ITIH1: variants seen among roughly 807,000 people sequenced by gnomAD.
The protein encoded by ITIH1 is inter-alpha-trypsin inhibitor heavy chain H1.
In ITIH1, 94 loss-of-function variants were observed where a neutral mutation model predicts 104.6. The observed-to-expected ratio is 0.90, with a 90% CI of 0.76 to 1.07. The LOEUF (loss-of-function observed/expected upper bound fraction) is 1.07. Ranked by LOEUF, ITIH1 falls within the 50% of genes least tolerant of loss-of-function variation. The probability of loss-of-function intolerance (pLI) is 0.00; values close to 1 mark genes in which losing one functional copy is unlikely to be tolerated. For missense variants in ITIH1, 1,193 were observed against 1,181.4 expected, an observed-to-expected ratio of 1.01 and a Z score of -0.14; for synonymous variants, 455 against 464.4, an observed-to-expected ratio of 0.98 and a Z score of 0.26.
chr3:52,780,675 C>A (rs973610751), intron 6 of ITIH1, among the ~76,000 whole-genome samples: 1 of 152,208 alleles, frequency 6.6e-6, no homozygotes, highest in African/African-American at 2.4e-5. Flanking sequence ...AGCCTCAGTG[C>A]CCTCTTTGCC....
chr3:52,783,198 T>A lies in ITIH1; in HGVS notation c.1100-16T>A. ...AGAATGAGGGCATACACTGGTCTGCTTTCTCTTCCTTGCAGCCACAAACCT... is the reference window on the plus strand; with the variant it reads ...AGAATGAGGGCATACACTGGTCTGCATTCTCTTCCTTGCAGCCACAAACCT... On this transcript the variant is annotated splice_polypyrimidine_tract_variant and intron_variant, in intron 9 of 21. Coordinates refer to ENST00000273283, the MANE Select transcript of ITIH1 (RefSeq NM_002215.4). The A allele has an allele frequency of 6.2e-7, 1 of 1,614,104 alleles. No individual in the cohort carries two copies. The highest frequency in any genetic ancestry group is 1.6e-4 in the Middle Eastern group (1 of 6,062).
At chr3:52,782,875 A>T in intron 8 of ITIH1, 82 bp from the exon 9 acceptor site, 1 of 1,364,830 alleles carries the variant, frequency 7.3e-7, no homozygotes, top group Non-Finnish European at 1.0e-6. Context: ...TGGATCTCTG[A>T]AATGGGTATT....
chr3:52,780,441 C>T lies in ITIH1; in HGVS notation c.687+59C>T, dbSNP rs927992337. On this transcript the variant is annotated intron_variant, in intron 6 of 21. Coordinates refer to ENST00000273283, the MANE Select transcript of ITIH1 (RefSeq NM_002215.4). Reference sequence around the variant, plus strand: ...CTTTGGAGACTTCTCAGCCTGCCCACCCCTTATGGAATGTCCAGCCTTAGC... The same window carrying T: ...CTTTGGAGACTTCTCAGCCTGCCCATCCCTTATGGAATGTCCAGCCTTAGC... 9.3e-6 allele frequency: 11 copies of T among 1,182,480 alleles called. No individual in the cohort carries two copies. The Admixed American group carries it at 2.1e-4, about 22-fold the overall frequency. The allele number at this position is 1,182,480 out of a possible 1,614,324, so 73.2% of individuals were successfully genotyped here. A position where few individuals can be genotyped will look rare whatever the true frequency, so the allele number is the denominator to read the frequency against.
intron 6 of ITIH1, 29 bp from the exon 7 acceptor site, chr3:52,781,911 G>A (rs1699068050): frequency 1.2e-6 from 2 of 1,613,252 alleles, no homozygotes; most frequent in South Asian, 2.2e-5. Flanking sequence ...ACACAGACCA[G>A]TAATGGCTCA....
Position 52,779,160 on chromosome 3 carries a change from G to A in ITIH1, c.410+114G>A, listed in dbSNP as rs1389431648. 3.6e-6 allele frequency: 3 copies of A among 827,486 alleles called. No homozygotes were observed. The highest frequency in any genetic ancestry group is 6.2e-6 in the Non-Finnish European group (3 of 483,674). 51.3% of individuals were successfully genotyped at this position (827,486 alleles called of 1,614,324 possible). A position where few individuals can be genotyped will look rare whatever the true frequency, so the allele number is the denominator to read the frequency against. On this transcript the variant is annotated intron_variant, in intron 4 of 21. Transcript: ENST00000273283. This position sits in a 1 kb window ranked among gnomAD's most constrained non-coding sequence, Gnocchi z 4.4. Reference sequence around the variant, plus strand: ...ACAGCCCAGGATGATGGAAGGGTAAGCAAACTGCCCAAACCCAGATGCCAG... The same window carrying A: ...ACAGCCCAGGATGATGGAAGGGTAAACAAACTGCCCAAACCCAGATGCCAG...
At position 52,789,714 on chromosome 3, in the gene ITIH1, C is replaced by T. The variant is rs767157589; in HGVS notation, c.2181C>T (p.Gly727=). 34 of 1,614,078 alleles carry T rather than the reference C, an allele frequency of 2.1e-5. No individual in the cohort carries two copies. The South Asian group carries it at 3.6e-4, about 17-fold the overall frequency. The change falls in exon 19 of 22, where the codon GGC becomes GGT. Residue 727 remains glycine (G), a synonymous_variant. Coordinates refer to ENST00000273283, the MANE Select transcript of ITIH1 (RefSeq NM_002215.4). The part of the protein sequence containing the change: ...NKARSPGQHD[G]TYFGRLGIAN... ...CCAGGAGCCCTGGGCAGCATGACGGCACGTACTTCGGGCGGCTGGGAATCG... is the reference window on the plus strand; with the variant it reads ...CCAGGAGCCCTGGGCAGCATGACGGTACGTACTTCGGGCGGCTGGGAATCG...
chr3:52,783,391 G>C, intron 10 of ITIH1, 52 bp downstream of exon 10: 1 of 1,587,106 alleles, frequency 6.3e-7, no homozygotes, highest in Non-Finnish European at 8.6e-7. Context: ...TGTCACCCGA[G>C]ACATGCAAGC....
intron 6 of ITIH1, among the ~76,000 whole-genome samples, chr3:52,781,284 T>TTCC (rs1168104956): frequency 1.4e-5 from 2 of 140,292 alleles, no homozygotes; most frequent in Non-Finnish European, 3.1e-5. Context: ...CTTCTTCTTC[T>TTCC]TCCTCTTCTT....
rs776495670 is a variant in ITIH1, at chr3:52,785,171, C to T, written c.1535C>T (p.Ala512Val). ...TACGAAGGCTCAGAGATTGTGGTGGCCGGGCGCATTGCTGACAACAAACAG... is the reference window on the plus strand; with the variant it reads ...TACGAAGGCTCAGAGATTGTGGTGGTCGGGCGCATTGCTGACAACAAACAG... ...QYYEGSEIVV[A>V]GRIADNKQSS... is the part of the protein sequence containing the mutation. Residue 512 changes from alanine to valine, a missense_variant, in exon 12 of 22, where the codon GCC becomes GTC. Coordinates refer to ENST00000273283, the MANE Select transcript of ITIH1 (RefSeq NM_002215.4). 3 of 1,614,112 alleles carry T rather than the reference C, an allele frequency of 1.9e-6. No individual in the cohort carries two copies. The highest frequency in any genetic ancestry group is 1.1e-5 in the South Asian group (1 of 91,080).
intron 15 of ITIH1, among the ~76,000 whole-genome samples, 178 bp from the exon 16 acceptor site, chr3:52,787,414 C>A (rs1559464934): frequency 6.6e-6 from 1 of 152,186 alleles, no homozygotes; most frequent in Non-Finnish European, 1.5e-5. Flanking sequence ...CCCCAGCAGC[C>A]TCCACTGGTC....
At position 52,779,379 on chromosome 3, in the gene ITIH1, C is replaced by T; in HGVS notation, c.411-53C>T. On this transcript the variant is annotated intron_variant, in intron 4 of 21. Transcript: ENST00000273283. The surrounding 1 kb of genome is among the most constrained non-coding windows in gnomAD (Gnocchi z 4.4). Reference sequence around the variant, plus strand: ...GGCCACATGTTAGGTGACAAGGACCCAAATGTCATTTACCCTCTGTCTGTC... The same window carrying T: ...GGCCACATGTTAGGTGACAAGGACCTAAATGTCATTTACCCTCTGTCTGTC... 6.3e-7 allele frequency: 1 copy of T among 1,588,784 alleles called. No homozygotes were observed. Among genetic ancestry groups the T allele is most frequent in the South Asian group, 1.1e-5 (1 of 90,492 alleles).
At chr3:52,789,381 C>A (rs1403312475) in intron 18 of ITIH1, among the ~76,000 whole-genome samples, 1 of 152,046 alleles carries the variant, frequency 6.6e-6, no homozygotes, top group Non-Finnish European at 1.5e-5. Flanking sequence ...AGAGAAGGAG[C>A]AGGCTAGGTC....
Position 52,787,990 on chromosome 3 carries a change from C to G in ITIH1, c.1929C>G (p.Phe643Leu). The change falls in exon 17 of 22, where the codon TTC becomes TTG. Residue 643 changes from phenylalanine (F) to leucine (L), a missense_variant. Transcript: ENST00000273283. ...PLEMLGPRRT[F>L]VLSALQPSPT... ...TGCCACTCCCCCTCCCATCAGCGTT[C>G]GTGCTGTCAGCCTTGCAGCCTTCTC... 1.9e-6 allele frequency: 3 copies of G among 1,613,836 alleles called. No individual in the cohort carries two copies. Among genetic ancestry groups the G allele is most frequent in the South Asian group, 2.2e-5 (2 of 91,042 alleles).
chr3:52,781,247 C>A (rs934138200), intron 6 of ITIH1, among the ~76,000 whole-genome samples: 2 of 96,344 alleles, frequency 2.1e-5, no homozygotes, highest in South Asian at 6.2e-4. Context: ...TCTTCTTCTT[C>A]TTCTTCTTCT....
chr3:52,787,049 G>C lies in ITIH1; in HGVS notation c.1838G>C (p.Gly613Ala). The C allele has an allele frequency of 6.2e-7, 1 of 1,614,190 alleles. No individual in the cohort carries two copies. The highest frequency in any genetic ancestry group is 8.5e-7 in the Non-Finnish European group (1 of 1,180,010). ...VTPLTSMSIR[G>A]MADQDGLKPT... is the part of the protein sequence containing the mutation. Reference sequence around the variant, plus strand: ...CCACTGACCTCCATGAGCATCAGGGGCATGGCGGACCAGGACGGCCTGAAG... The same window carrying C: ...CCACTGACCTCCATGAGCATCAGGGCCATGGCGGACCAGGACGGCCTGAAG... Residue 613 changes from glycine to alanine, a missense_variant, in exon 14 of 22, where the codon GGC becomes GCC. Physicochemically the swap from Gly to Ala is moderately conservative, Grantham distance 60. Coordinates refer to ENST00000273283, the MANE Select transcript of ITIH1 (RefSeq NM_002215.4).
chr3:52,780,132 G>A, intron 5 of ITIH1, 137 bp from the exon 6 acceptor site: 1 of 927,552 alleles, frequency 1.1e-6, no homozygotes, highest in Non-Finnish European at 1.6e-6. Flanking sequence ...CTTCAGTGTG[G>A]TGTGAGCCTA....
Position 52,786,416 on chromosome 3 carries a change from AG to A in ITIH1, c.1717del (p.Glu573SerfsTer7). ...CGCCTCTGGGCCTACCTCACCATCC[AG>A]GAGCTGCTGGCCAAGCGGTAGGGCA... is the stretch of plus-strand genomic sequence containing the variant. ...VERLWAYLTI[Q>X]ELLAKRMKVD... On this transcript the variant is annotated frameshift_variant, in exon 13 of 22. Transcript: ENST00000273283. LOFTEE classifies it high-confidence loss of function. The A allele has an allele frequency of 6.3e-7, 1 of 1,585,578 alleles. No homozygotes were observed. Among genetic ancestry groups the A allele is most frequent in the Non-Finnish European group, 8.6e-7 (1 of 1,165,666 alleles).
At position 52,783,065 on chromosome 3, in the gene ITIH1, G is replaced by A; in HGVS notation, c.1039G>A (p.Ala347Thr). 1 of 1,614,082 alleles carries A rather than the reference G, an allele frequency of 6.2e-7. No homozygotes were observed. The highest frequency in any genetic ancestry group is 8.5e-7 in the Non-Finnish European group (1 of 1,180,012). ...VQSWKGSLVQ[A>T]SEANLQAAQD... ...ATCGTGGAAGGGCTCGCTGGTGCAA[G>A]CATCTGAGGCCAACCTACAAGCAGC... The change falls in exon 9 of 22, where the codon GCA becomes ACA. Residue 347 changes from alanine (A) to threonine (T), a missense_variant. Transcript: ENST00000273283.
chr3:52,789,182 G>A (rs1178109221), intron 18 of ITIH1, among the ~76,000 whole-genome samples: 1 of 152,240 alleles, frequency 6.6e-6, no homozygotes, highest in Admixed American at 6.5e-5. Context: ...AGAGTTTAGG[G>A]AAGGGGAAGA....
Sources: gnomAD v4.1 joint callset for allele counts (sites outside exome capture counted in the v4.1 genomes callset) on GRCh38, gnomAD v4.1.1 for gene constraint, Gnocchi (gnomAD v3.1) non-coding constraint, MANE v1.5 for transcripts, NCBI Gene and HGNC (gene_info 2026-07-23, HGNC 2026-07-21) for gene names.